PNP: variants seen among roughly 807,000 people sequenced by gnomAD.
The protein encoded by PNP is HEL-S-156an.
PNP carries 18 observed loss-of-function variants against 26.8 expected under a neutral mutation model. The observed-to-expected ratio is 0.67, with a 90% CI of 0.46 to 1.00. The LOEUF is 1.00. Among genes scored for constraint, PNP ranks in the 50% least tolerant of loss-of-function variants. PNP has a pLI of 0.00. For missense variants in PNP, 320 were observed against 362.9 expected, an observed-to-expected ratio of 0.88 and a Z score of 0.96; for synonymous variants, 116 against 124.8, an observed-to-expected ratio of 0.93 and a Z score of 0.47.
At position 20,474,477 on chromosome 14, in the gene PNP, G is replaced by A; in HGVS notation, c.187G>A (p.Gly63Ser). The A allele has an allele frequency of 6.2e-7, 1 of 1,613,942 alleles. No individual in the cohort carries two copies. The highest frequency in any genetic ancestry group is 8.5e-7 in the Non-Finnish European group (1 of 1,179,794). ...TCTTTCTGTTTTGTATACAGTGCCA[G>A]GTCATGCTGGCCGACTGGTGTTTGG... ...IPNFPRSTVP[G>S]HAGRLVFGFL... is the part of the protein sequence containing the mutation. The change falls in exon 3 of 6, where the codon GGT becomes AGT. Residue 63 changes from glycine to serine, a missense_variant. Physicochemically the swap from Gly to Ser is moderately conservative, Grantham distance 56 (BLOSUM62 0). Transcript: ENST00000361505.
rs746498585 is a variant in PNP at position 20,474,951 on chromosome 14, A to G, written c.461+3A>G. The stretch of plus-strand genomic sequence containing the variant: ...CTCAGAGGGCCCAATGATGAAAGGT[A>G]TGTATGTTACTCCGTTTTTTTTAGG... On this transcript the variant is annotated splice_donor_region_variant and intron_variant, in intron 4 of 5. Transcript: ENST00000361505. 3 of 1,614,022 alleles carry G rather than the reference A, an allele frequency of 1.9e-6. No individual in the cohort carries two copies. The highest frequency in any genetic ancestry group is 2.5e-6 in the Non-Finnish European group (3 of 1,179,996).
chr14:20,472,228 C>T, intron 1 of PNP, 80 bp from the exon 2 acceptor site: 1 of 1,252,122 alleles, frequency 8.0e-7, no homozygotes. Flanking sequence ...TACCTGCCAG[C>T]CTTTTTGCAC....
intron 1 of PNP, among the ~76,000 whole-genome samples, chr14:20,471,478 G>A (rs1881987738): frequency 6.6e-6 from 1 of 151,988 alleles, no homozygotes; most frequent in South Asian, 2.1e-4. Flanking sequence ...GCCAGAATCT[G>A]TTTTTCTAAC....
Position 20,472,412 on chromosome 14 carries a change from C to G in PNP, c.116C>G (p.Thr39Ser), listed in dbSNP as rs1262563265. 4 of 1,614,070 alleles carry G rather than the reference C, an allele frequency of 2.5e-6. No individual in the cohort carries two copies. The South Asian group carries it at 3.3e-5, about 13-fold the overall frequency. ...IICGSGLGGL[T>S]DKLTQAQIFD... is the part of the protein sequence containing the mutation. ...TGTGGTTCTGGATTAGGAGGTCTGACTGATAAATTAACTCAGGCCCAGATC... is the reference window on the plus strand; with the variant it reads ...TGTGGTTCTGGATTAGGAGGTCTGAGTGATAAATTAACTCAGGCCCAGATC... Residue 39 changes from threonine (T) to serine (S), a missense_variant, in exon 2 of 6, where the codon ACT becomes AGT. Transcript: ENST00000361505.
intron 5 of PNP, among the ~76,000 whole-genome samples, chr14:20,475,682 A>C (rs1283445177): frequency 6.6e-6 from 1 of 152,120 alleles, no homozygotes; most frequent in Admixed American, 6.5e-5. Flanking sequence ...ACAAGGTTTC[A>C]CCATGTTGGC....
chr14:20,473,139 T>TTTTTG (rs3842517), intron 2 of PNP: 34,757 of 151,990 alleles, frequency 0.23, 4,125 homozygotes, highest in African/African-American at 0.29. Flanking sequence ...TTTATTACTG[T>TTTTTG]TTTTGTTTTG....
chr14:20,470,206 G>T (rs2139332804), intron 1 of PNP, among the ~76,000 whole-genome samples: 1 of 152,350 alleles, frequency 6.6e-6, no homozygotes, highest in South Asian at 2.1e-4. Flanking sequence ...CCTGCATTAG[G>T]CATCACAGTT....
In PNP at chr14:20,469,528, G is replaced by C. The variant is rs899827404; in HGVS notation, c.4G>C (p.Glu2Gln). ...TCGAGAAGGCGTCTGCGAGACCATG[G>C]AGAACGGGTGAGGAGGGCACCAGGC... M[E>Q]NGYTYEDYKN... The change falls in exon 1 of 6, where the codon GAG becomes CAG. Residue 2 changes from glutamate to glutamine, a missense_variant. Coordinates refer to ENST00000361505, the MANE Select transcript of PNP (RefSeq NM_000270.4). 5 of 1,553,798 alleles carry C rather than the reference G, an allele frequency of 3.2e-6. No homozygotes were observed. In the African/African-American group the frequency reaches 6.8e-5, roughly 21 times the overall value.
At chr14:20,472,188 G>A (rs1318217041) in intron 1 of PNP, 120 bp from the exon 2 acceptor site, 2 of 831,356 alleles carry the variant, frequency 2.4e-6, no homozygotes, top group Non-Finnish European at 4.2e-6. Context: ...TTCCCTCTGT[G>A]CCAGCTTCTC....
In PNP at chr14:20,476,569, G is replaced by A. The variant is rs1181802215; in HGVS notation, c.838G>A (p.Ala280Thr). 1 of 1,614,160 alleles carries A rather than the reference G, an allele frequency of 6.2e-7. No homozygotes were observed. Among genetic ancestry groups the A allele is most frequent in the South Asian group, 1.1e-5 (1 of 91,082 alleles). ...KLEQFVSILM[A>T]SIPLPDKAS The stretch of plus-strand genomic sequence containing the variant: ...GGAACAGTTTGTCTCCATTCTTATG[G>A]CCAGCATTCCACTCCCTGACAAAGC... The change falls in exon 6 of 6, where the codon GCC becomes ACC. Residue 280 changes from alanine to threonine, a missense_variant. Coordinates refer to ENST00000361505, the MANE Select transcript of PNP (RefSeq NM_000270.4).
chr14:20,476,725 C>A lies in PNP; in HGVS notation c.*124C>A. 1.3e-6 allele frequency: 1 copy of A among 779,078 alleles called. No homozygotes were observed. Among genetic ancestry groups the A allele is most frequent in the South Asian group, 1.5e-5 (1 of 68,600 alleles). The allele number at this position is 779,078 out of a possible 1,614,324, so 48.3% of individuals were successfully genotyped here. The stretch of plus-strand genomic sequence containing the variant: ...TAGCAGAAAGGAAAAGATTCCTGTC[C>A]TTCACCTTTCCCACTTTCTTCTACC... On this transcript the variant is annotated 3_prime_UTR_variant, in exon 6 of 6. Coordinates refer to ENST00000361505, the MANE Select transcript of PNP (RefSeq NM_000270.4).
In PNP at chr14:20,469,449, GCGGAGCGGATCCGATCGGAT is replaced by G; in HGVS notation, c.-64_-45del. On this transcript the variant is annotated 5_prime_UTR_variant, in exon 1 of 6. Coordinates refer to ENST00000361505, the MANE Select transcript of PNP (RefSeq NM_000270.4). ...CGGCAGCCTTGCTCAGTTCAGCATA[GCGGAGCGGATCCGATCGGAT>G]CGGAGCGGATCGGAGCACACCGGAG... The G allele has an allele frequency of 6.5e-7, 1 of 1,539,424 alleles. No individual in the cohort carries two copies. Among genetic ancestry groups the G allele is most frequent in the Non-Finnish European group, 8.8e-7 (1 of 1,137,496 alleles).
chr14:20,475,013 A>G (rs1038998371), intron 4 of PNP, 49 bp from the exon 5 acceptor site: 1 of 1,613,630 alleles, frequency 6.2e-7, no homozygotes. Flanking sequence ...GAGCTGTGGG[A>G]GAATTTTTAA....
Position 20,474,757 on chromosome 14 carries a change from ATTG to A in PNP, c.286-13_286-11del. 6.2e-7 allele frequency: 1 copy of A among 1,612,854 alleles called. No homozygotes were observed. The highest frequency in any genetic ancestry group is 8.5e-7 in the Non-Finnish European group (1 of 1,179,422). The stretch of plus-strand genomic sequence containing the variant: ...ATGAAATTTTGTAAATTTTTTTCGG[ATTG>A]TTTGCTTCGAAGGTGACATTCCCAG... On this transcript the variant is annotated splice_polypyrimidine_tract_variant and intron_variant, in intron 3 of 5. Coordinates refer to ENST00000361505, the MANE Select transcript of PNP (RefSeq NM_000270.4).
chr14:20,474,709 T>G, intron 3 of PNP, 64 bp from the exon 4 acceptor site: 1 of 1,577,564 alleles, frequency 6.3e-7, no homozygotes. Flanking sequence ...ATGTATGTCA[T>G]GCATTTCAGT....
At chr14:20,469,602 A>G in intron 1 of PNP, 67 bp downstream of exon 1, 3 of 1,546,318 alleles carry the variant, frequency 1.9e-6, no homozygotes, top group Non-Finnish European at 2.6e-6. Flanking sequence ...GGAACCTGGC[A>G]CACTGGGCCC....
At position 20,474,821 on chromosome 14, in the gene PNP, G is replaced by A. The variant is rs773868604; in HGVS notation, c.334G>A (p.Val112Ile). The A allele has an allele frequency of 1.2e-6, 2 of 1,614,122 alleles. No homozygotes were observed. The highest frequency in any genetic ancestry group is 1.6e-4 in the Middle Eastern group (1 of 6,062). ...CCACCTTCTGGGTGTGGACACCCTGGTAGTCACCAATGCAGCAGGAGGGCT... is the reference window on the plus strand; with the variant it reads ...CCACCTTCTGGGTGTGGACACCCTGATAGTCACCAATGCAGCAGGAGGGCT... ...VFHLLGVDTL[V>I]VTNAAGGLNP... is the part of the protein sequence containing the mutation. Residue 112 changes from valine (V) to isoleucine (I), a missense_variant, in exon 4 of 6, where the codon GTA becomes ATA. Coordinates refer to ENST00000361505, the MANE Select transcript of PNP (RefSeq NM_000270.4).
chr14:20,475,841 C>T (rs1184595906), intron 5 of PNP, among the ~76,000 whole-genome samples: 1 of 152,144 alleles, frequency 6.6e-6, no homozygotes, highest in Non-Finnish European at 1.5e-5. Flanking sequence ...ACCTTCTGTA[C>T]CTCTAGCTGG....
chr14:20,474,830 A>G lies in PNP; in HGVS notation c.343A>G (p.Asn115Asp). Residue 115 changes from asparagine to aspartate, a missense_variant, in exon 4 of 6, where the codon AAT becomes GAT. Physicochemically the swap from Asn to Asp is conservative, Grantham distance 23. Coordinates refer to ENST00000361505, the MANE Select transcript of PNP (RefSeq NM_000270.4). ...LLGVDTLVVT[N>D]AAGGLNPKFE... ...GGGTGTGGACACCCTGGTAGTCACC[A>G]ATGCAGCAGGAGGGCTGAACCCCAA... 1 of 1,614,220 alleles carries G rather than the reference A, an allele frequency of 6.2e-7. No individual in the cohort carries two copies. The highest frequency in any genetic ancestry group is 1.1e-5 in the South Asian group (1 of 91,088).
Sources: gnomAD v4.1 joint callset for allele counts (sites outside exome capture counted in the v4.1 genomes callset) on GRCh38, gnomAD v4.1.1 for gene constraint, MANE v1.5 for transcripts, NCBI Gene and HGNC (gene_info 2026-07-23, HGNC 2026-07-21) for gene names.